Variants in KCNT2 observed in about 807,000 individuals in gnomAD.
KCNT2 encodes the protein potassium channel subfamily T member 2.
In KCNT2, 67 loss-of-function variants were observed where a neutral mutation model predicts 153.8. That is an observed-to-expected ratio of 0.44 (90% CI 0.36 to 0.53). The LOEUF (loss-of-function observed/expected upper bound fraction) is 0.53, where lower values mean the gene tolerates loss of function less well. Ranked by LOEUF, KCNT2 falls within the 20% of genes least tolerant of loss-of-function variation. The probability of loss-of-function intolerance (pLI) is 0.00; values close to 1 mark genes in which losing one functional copy is unlikely to be tolerated. For missense variants in KCNT2, 975 were observed against 1,354.8 expected (o/e 0.72, Z 4.40); for synonymous variants, 500 against 458.8 (o/e 1.09, Z -1.15).
chr1:196,389,287 C>A (rs1023638003), intron 13 of KCNT2, among the ~76,000 whole-genome samples: 1 of 151,636 alleles, frequency 6.6e-6, no homozygotes, highest in Non-Finnish European at 1.5e-5. Flanking sequence ...TATCAGTTTG[C>A]AATTTTCTTT....
chr1:196,534,461 A>C (rs1377702086), intron 1 of KCNT2, among the ~76,000 whole-genome samples: 2 of 152,170 alleles, frequency 1.3e-5, no homozygotes, highest in Non-Finnish European at 2.9e-5. Flanking sequence ...AGTTGGGGAG[A>C]CTAATTACTT....
chr1:196,513,109 A>C (rs959742549), intron 1 of KCNT2, among the ~76,000 whole-genome samples: 1 of 152,208 alleles, frequency 6.6e-6, no homozygotes, highest in Admixed American at 6.5e-5. Context: ...GATTCCATAA[A>C]AATTTAGAAT....
At chr1:196,574,901 A>C (rs1661178647) in intron 1 of KCNT2, among the ~76,000 whole-genome samples, 1 of 151,992 alleles carries the variant, frequency 6.6e-6, no homozygotes, top group Admixed American at 6.6e-5. Flanking sequence ...TCTTTCCCAG[A>C]TATTTCTCCC....
At chr1:196,398,140 C>T (rs1671104439) in intron 13 of KCNT2, among the ~76,000 whole-genome samples, 1 of 151,314 alleles carries the variant, frequency 6.6e-6, no homozygotes, top group Non-Finnish European at 1.5e-5. Flanking sequence ...GAATACATTT[C>T]AATGTATTAG....
rs537743537 is a variant in KCNT2, at chr1:196,238,623, A to G, written c.3212-2553T>C. Among the ~76,000 whole-genome samples the G allele has an allele frequency of 3.5e-4, 53 of 151,982 alleles. No individual in the cohort carries two copies. In the South Asian group the frequency reaches 6.2e-3, roughly 18 times the overall value. On this transcript the variant is annotated intron_variant, in intron 26 of 27. Transcript: ENST00000294725. ...TCACGTGTGCCTTCCTATAGGGTAC[A>G]TTTTGCCTGCTTGTTCTCTGCCATG... is the stretch of plus-strand genomic sequence containing the variant.
intron 22 of KCNT2, among the ~76,000 whole-genome samples, chr1:196,288,675 T>C (rs1659902527): frequency 2.0e-5 from 3 of 152,040 alleles, no homozygotes; most frequent in East Asian, 1.9e-4. Context: ...GATATGATGA[T>C]TGAATTTGGT....
intron 1 of KCNT2, among the ~76,000 whole-genome samples, chr1:196,523,160 C>T (rs926879895): frequency 6.6e-6 from 1 of 152,152 alleles, no homozygotes. Context: ...TCTGGACGCA[C>T]CACCTTTAAG....
intron 14 of KCNT2, among the ~76,000 whole-genome samples, chr1:196,366,343 G>C (rs1472581088): frequency 3.3e-5 from 5 of 151,808 alleles, no homozygotes; most frequent in Non-Finnish European, 7.4e-5. Flanking sequence ...ATTTTTAGTA[G>C]AGATGGGGTT....
At chr1:196,577,985 A>AT (rs1020880981) in intron 1 of KCNT2, among the ~76,000 whole-genome samples, 32 of 150,520 alleles carry the variant, frequency 2.1e-4, no homozygotes, top group African/African-American at 4.9e-4. Context: ...AAAACGTGTA[A>AT]TTTTTTTTTT....
At chr1:196,475,172 TA>T (rs1403377729) in intron 5 of KCNT2, among the ~76,000 whole-genome samples, 1 of 152,220 alleles carries the variant, frequency 6.6e-6, no homozygotes, top group Non-Finnish European at 1.5e-5. Context: ...TATACATATG[TA>T]AACAAATACA....
chr1:196,594,998 A>G (rs1476605311), intron 1 of KCNT2, among the ~76,000 whole-genome samples: 1 of 152,104 alleles, frequency 6.6e-6, no homozygotes. Flanking sequence ...GTTTAAGAAG[A>G]CTATGATGAA....
chr1:196,339,144 C>T (rs1379158837), intron 16 of KCNT2, among the ~76,000 whole-genome samples: 3 of 151,818 alleles, frequency 2.0e-5, no homozygotes, highest in Admixed American at 6.6e-5. Context: ...GAGGAATAAT[C>T]AGTTTACGGA....
chr1:196,412,685 A>G (rs1326766801), intron 12 of KCNT2, among the ~76,000 whole-genome samples: 1 of 151,672 alleles, frequency 6.6e-6, no homozygotes, highest in Non-Finnish European at 1.5e-5. Flanking sequence ...AACACATAAA[A>G]TATATAGCTG....
chr1:196,377,344 G>A lies in KCNT2; in HGVS notation c.1295-4096C>T, dbSNP rs114640332. Among the ~76,000 whole-genome samples, 411 of 151,748 alleles carry A rather than the reference G, an allele frequency of 2.7e-3. 2 individuals are homozygous for A. Among genetic ancestry groups the A allele is most frequent in the African/African-American group, 9.7e-3 (403 of 41,444 alleles). Reference sequence around the variant, plus strand: ...TTTATCAGATACATTTTTTTTGGTGGGGGGGAGAATTTCAAGTCAAAAACT... The same window carrying A: ...TTTATCAGATACATTTTTTTTGGTGAGGGGGAGAATTTCAAGTCAAAAACT... On this transcript the variant is annotated intron_variant, in intron 13 of 27. Transcript: ENST00000294725.
intron 27 of KCNT2, among the ~76,000 whole-genome samples, chr1:196,231,432 G>A (rs1294190140): frequency 6.6e-6 from 1 of 151,008 alleles, no homozygotes; most frequent in Non-Finnish European, 1.5e-5. Flanking sequence ...TAACACCTTA[G>A]AATTAAAACA....
intron 23 of KCNT2, among the ~76,000 whole-genome samples, chr1:196,283,180 A>C (rs1363544458): frequency 6.6e-6 from 1 of 152,206 alleles, no homozygotes; most frequent in Non-Finnish European, 1.5e-5. Flanking sequence ...GAGGTGGCTC[A>C]TGCCTGTAAT....
At chr1:196,490,035 A>T in intron 2 of KCNT2, 98 bp from the exon 3 acceptor site, 1 of 569,394 alleles carries the variant, frequency 1.8e-6, no homozygotes, top group Admixed American at 3.2e-5. Context: ...ACAGCACTTA[A>T]ATTGTATTTA....
chr1:196,442,431 A>T (rs1307505033), intron 8 of KCNT2, among the ~76,000 whole-genome samples: 1 of 151,816 alleles, frequency 6.6e-6, no homozygotes, highest in Non-Finnish European at 1.5e-5. Flanking sequence ...AACCAGCATG[A>T]CTGCTTCCTT....
At chr1:196,240,566 T>A (rs1654860814) in intron 26 of KCNT2, among the ~76,000 whole-genome samples, 1 of 152,010 alleles carries the variant, frequency 6.6e-6, no homozygotes, top group South Asian at 2.1e-4. Flanking sequence ...GGTGTGGGCA[T>A]GCATAAATAG....
Sources: allele counts gnomAD v4.1 joint callset (sites outside exome capture counted in the v4.1 genomes callset), GRCh38; gene constraint gnomAD v4.1.1; transcripts MANE v1.5; gene names NCBI Gene and HGNC (gene_info 2026-07-23, HGNC 2026-07-21).